MYLK4: variants seen among roughly 807,000 people sequenced by gnomAD.
MYLK4 encodes myosin light chain kinase family member 4, also known as caMLCK like.
A neutral mutation model predicts 48.1 loss-of-function variants in MYLK4; 46 were observed. The ratio of observed to expected loss-of-function variants is 0.96; its 90% confidence interval spans 0.75 to 1.22. MYLK4 has a LOEUF of 1.22. Ranked by LOEUF, MYLK4 falls within the 50% of genes most tolerant of loss-of-function variation. The probability of loss-of-function intolerance (pLI) is 0.00; values close to 1 mark genes in which losing one functional copy is unlikely to be tolerated. For synonymous variants in MYLK4, 170 were observed against 180.8 expected (o/e 0.94, Z 0.48); for missense variants, 451 against 486.1 (o/e 0.93, Z 0.68).
intron 2 of MYLK4, among the ~76,000 whole-genome samples, chr6:2,746,906 G>C (rs1406987124): frequency 6.6e-6 from 1 of 152,230 alleles, no homozygotes. Context: ...CCTGCTGGCT[G>C]CCCTGGCACC....
chr6:2,682,604 T>A (rs903206123), intron 7 of MYLK4, among the ~76,000 whole-genome samples: 2 of 152,070 alleles, frequency 1.3e-5, no homozygotes, highest in Non-Finnish European at 1.5e-5. Context: ...GCTTCCTGAG[T>A]GACTCGAGGA....
rs1405248984 is a variant in MYLK4, at chr6:2,698,569, C to A, written c.160-5710G>T. Among the ~76,000 whole-genome samples, 4 of 152,158 alleles carry A rather than the reference C, an allele frequency of 2.6e-5. No individual in the cohort carries two copies. In the East Asian group the frequency reaches 7.7e-4, roughly 29 times the overall value. ...AATGCCAAGATGAACAATTTTTGGC[C>A]ATTTTACCTAAGTTCTAGAAATATC... On this transcript the variant is annotated intron_variant, in intron 2 of 12. Coordinates refer to ENST00000274643, the MANE Select transcript of MYLK4 (RefSeq NM_001012418.5).
chr6:2,748,079 C>T (rs971525858), intron 2 of MYLK4, among the ~76,000 whole-genome samples: 11 of 152,174 alleles, frequency 7.2e-5, no homozygotes, highest in African/African-American at 1.7e-4. Context: ...TTGTTAGAAA[C>T]GCCCTTCCTA....
chr6:2,725,535 CAAAG>C (rs1355155185), intron 2 of MYLK4, among the ~76,000 whole-genome samples: 2 of 110,330 alleles, frequency 1.8e-5, no homozygotes, highest in African/African-American at 7.7e-5. Flanking sequence ...GAAAAAGAAA[CAAAG>C]AAAGAAACAA....
chr6:2,701,453 C>T lies in MYLK4; in HGVS notation c.160-8594G>A, dbSNP rs141212523. On this transcript the variant is annotated intron_variant, in intron 2 of 12. Coordinates refer to ENST00000274643, the MANE Select transcript of MYLK4 (RefSeq NM_001012418.5). ...GACTGCAGGAATATTTAGAGATCTG[C>T]GCTTAGACTCAAGGAGTAAAATGCT... 1.5e-4 allele frequency among the ~76,000 whole-genome samples: 23 copies of T among 152,192 alleles called. No homozygotes were observed. In the East Asian group the frequency reaches 3.9e-3, roughly 26 times the overall value.
At chr6:2,693,840 C>A (rs1346576046) in intron 2 of MYLK4, among the ~76,000 whole-genome samples, 1 of 151,376 alleles carries the variant, frequency 6.6e-6, no homozygotes, top group Non-Finnish European at 1.5e-5. Context: ...TCACTGCAAC[C>A]TCCAACTCCC....
In MYLK4 at chr6:2,722,929, T is replaced by G. The variant is rs6596911; in HGVS notation, c.159+26207A>C. The stretch of plus-strand genomic sequence containing the variant: ...TTAGCATGACAATTTGAGAACCTAT[T>G]GTATCACCTTAATATGCATTTTTTC... On this transcript the variant is annotated intron_variant, in intron 2 of 12. Transcript: ENST00000274643. 5.3e-5 allele frequency among the ~76,000 whole-genome samples: 8 copies of G among 152,228 alleles called. No individual in the cohort carries two copies. The South Asian group carries it at 1.5e-3, about 28-fold the overall frequency.
At chr6:2,754,037 A>G (rs538281101), upstream of MYLK4, among the ~76,000 whole-genome samples, 2 of 151,926 alleles carry the variant, frequency 1.3e-5, no homozygotes, top group Non-Finnish European at 2.9e-5. Context: ...GCAAGTGTTG[A>G]CAAGGATGTG....
At chr6:2,720,944 C>T (rs1002157766) in intron 2 of MYLK4, among the ~76,000 whole-genome samples, 5 of 151,998 alleles carry the variant, frequency 3.3e-5, no homozygotes, top group African/African-American at 9.7e-5. Flanking sequence ...GGGTGGATCA[C>T]GAGGTCAGGA....
chr6:2,681,554 T>A (rs1471728339), intron 7 of MYLK4, among the ~76,000 whole-genome samples: 1 of 152,208 alleles, frequency 6.6e-6, no homozygotes, highest in African/African-American at 2.4e-5. Context: ...TTTCAATAAG[T>A]TAGCCTTTTT....
At chr6:2,732,228 T>C (rs1285031537) in intron 2 of MYLK4, among the ~76,000 whole-genome samples, 1 of 152,192 alleles carries the variant, frequency 6.6e-6, no homozygotes, top group African/African-American at 2.4e-5. Flanking sequence ...AGCTACCTTT[T>C]AGTGAGTGCT....
rs1472831056 is a variant in MYLK4, at chr6:2,737,980, GTGGGGGGGGGGT to G, written c.159+11144_159+11155del. Among the ~76,000 whole-genome samples, 14 of 68,438 alleles carry G rather than the reference GTGGGGGGGGGGT, an allele frequency of 2.0e-4. 2 individuals carry two copies. In the South Asian group the frequency reaches 7.4e-3, roughly 36 times the overall value. The allele number at this position is 68,438 out of a possible 152,430, so 44.9% of individuals were successfully genotyped here. On this transcript the variant is annotated intron_variant, in intron 2 of 12. Coordinates refer to ENST00000274643, the MANE Select transcript of MYLK4 (RefSeq NM_001012418.5). The stretch of plus-strand genomic sequence containing the variant: ...GCTGGGGGTGGGGTGCCGGGGGCGG[GTGGGGGGGGGGT>G]GGTCAATGTTATTAACCCCAGATGA...
At chr6:2,695,119 T>C (rs554274448) in intron 2 of MYLK4, among the ~76,000 whole-genome samples, 1 of 152,334 alleles carries the variant, frequency 6.6e-6, no homozygotes, top group South Asian at 2.1e-4. Context: ...AAGTCCAATT[T>C]TGAAAGCATA....
chr6:2,737,229 CTTGAACCCGGGAGGCGGAGGTTGCAGTG>C (rs1763712151), intron 2 of MYLK4, among the ~76,000 whole-genome samples: 1 of 152,244 alleles, frequency 6.6e-6, no homozygotes. Flanking sequence ...AGGAGAATCG[CTTGAACCCGGGAGGCGGAGGTTGCAGTG>C]AGCCGAGATC....
In MYLK4 at chr6:2,664,847, A is replaced by G. The variant is rs1760584628; in HGVS notation, c.*3078T>C. ...GTTAGTTCAGATGAGAGTCTCGTCC[A>G]AAGTTTGTAATGTAGCAAATGGGGA... On this transcript the variant is annotated 3_prime_UTR_variant, in exon 13 of 13. Transcript: ENST00000274643. The G allele has an allele frequency of 6.6e-6, 1 of 152,242 alleles. No homozygotes were observed. Among genetic ancestry groups the G allele is most frequent in the African/African-American group, 2.4e-5 (1 of 41,466 alleles). The allele number at this position is 152,242 out of a possible 1,614,324, so 9.4% of individuals were successfully genotyped here. A position where few individuals can be genotyped will look rare whatever the true frequency, so the allele number is the denominator to read the frequency against.
intron 2 of MYLK4, among the ~76,000 whole-genome samples, chr6:2,746,164 G>A (rs866757614): frequency 2.0e-5 from 3 of 151,916 alleles, no homozygotes; most frequent in South Asian, 4.2e-4. Context: ...CTACTCAGGA[G>A]GCTAAGGCAG....
chr6:2,722,404 G>A (rs1398321305), intron 2 of MYLK4, among the ~76,000 whole-genome samples: 2 of 152,034 alleles, frequency 1.3e-5, no homozygotes, highest in Admixed American at 1.3e-4. Flanking sequence ...TTTCAGCCAT[G>A]AATAATAACA....
chr6:2,685,319 G>A lies in MYLK4; in HGVS notation c.522C>T (p.Asn174=), dbSNP rs762818291. The change falls in exon 6 of 13, where the codon AAC becomes AAT. Residue 174 remains asparagine, a synonymous_variant. Transcript: ENST00000274643. This position sits in a 1 kb window ranked among gnomAD's most constrained non-coding sequence, Gnocchi z 4.5. ...ACTACTCCATGACCAGGACAATGTCGTTCTTAGACTCGAAGGCATCGTACA... is the reference window on the plus strand; with the variant it reads ...ACTACTCCATGACCAGGACAATGTCATTCTTAGACTCGAAGGCATCGTACA... ...IQLYDAFESK[N]DIVLVMEYVD... The A allele has an allele frequency of 1.2e-6, 2 of 1,613,226 alleles. No homozygotes were observed. The highest frequency in any genetic ancestry group is 1.7e-5 in the Admixed American group (1 of 60,002).
rs1760943013 is a variant in MYLK4, at chr6:2,672,620, AACCAATATT to A, written c.1120-1281_1120-1273del. ...TTAAAAGTAAATTCTGATTTTGTAGAACCAATATTAATCTAAAAATAAGCCTTCTGGAAA... is the reference window on the plus strand; with the variant it reads ...TTAAAAGTAAATTCTGATTTTGTAGAAATCTAAAAATAAGCCTTCTGGAAA... On this transcript the variant is annotated intron_variant, in intron 11 of 12. Coordinates refer to ENST00000274643, the MANE Select transcript of MYLK4 (RefSeq NM_001012418.5). This position sits in a 1 kb window ranked among gnomAD's most constrained non-coding sequence, Gnocchi z 4.3. Among the ~76,000 whole-genome samples, 1 of 152,256 alleles carries A rather than the reference AACCAATATT, an allele frequency of 6.6e-6. No homozygotes were observed. The highest frequency in any genetic ancestry group is 1.5e-5 in the Non-Finnish European group (1 of 68,044).
Sources: allele counts gnomAD v4.1 joint callset (sites outside exome capture counted in the v4.1 genomes callset), GRCh38; gene constraint gnomAD v4.1.1; non-coding constraint Gnocchi (gnomAD v3.1); transcripts MANE v1.5; gene names NCBI Gene and HGNC (gene_info 2026-07-23, HGNC 2026-07-21).